RAB36: variants seen among roughly 807,000 people sequenced by gnomAD.
The protein encoded by RAB36 is ras-related protein Rab-36.
In RAB36, 33 loss-of-function variants were observed where a neutral mutation model predicts 39.3. The ratio of observed to expected loss-of-function variants is 0.84; its 90% CI spans 0.64 to 1.12. The LOEUF (loss-of-function observed/expected upper bound fraction) is 1.12. Ranked by LOEUF, RAB36 falls within the 50% of genes most tolerant of loss-of-function variation. The pLI, the probability that RAB36 is intolerant of heterozygous loss-of-function variation, is 0.00. For synonymous variants in RAB36, 133 were observed against 140.2 expected (o/e 0.95, Z 0.36); for missense variants, 308 against 355.3 (o/e 0.87, Z 1.07).
chr22:23,168,432 C>T (rs2072084990), downstream of RAB36, among the ~76,000 whole-genome samples: 1 of 152,164 alleles, frequency 6.6e-6, no homozygotes, highest in Non-Finnish European at 1.5e-5. Context: ...CAGAGAGGGA[C>T]CCCTCCTCTC....
intron 2 of RAB36, 73 bp from the exon 3 acceptor site, chr22:23,149,990 C>T: frequency 8.3e-7 from 1 of 1,200,766 alleles, no homozygotes; most frequent in South Asian, 1.3e-5. Flanking sequence ...GATCATCTCC[C>T]CTCACTGCTT....
At position 23,162,577 on chromosome 22, in the gene RAB36, G is replaced by C. The variant is rs1392366203; in HGVS notation, c.*1013G>C. The C allele has an allele frequency of 2.2e-6, 1 of 451,268 alleles. No individual in the cohort carries two copies. Among genetic ancestry groups the C allele is most frequent in the Non-Finnish European group, 4.5e-6 (1 of 223,030 alleles). 28.0% of individuals were successfully genotyped at this position (451,268 alleles called of 1,614,324 possible). On this transcript the variant is annotated 3_prime_UTR_variant, in exon 11 of 11. Coordinates refer to ENST00000263116, the MANE Select transcript of RAB36 (RefSeq NM_004914.5). The stretch of plus-strand genomic sequence containing the variant: ...CAACACCGCCTCCTGCACATGCAGA[G>C]CAGACAGAAATACCCCACACATTCC...
rs537657116 is a variant in RAB36, at chr22:23,163,941, C to A, written c.*2377C>A. The A allele has an allele frequency of 6.6e-6, 1 of 152,406 alleles. No homozygotes were observed. Among genetic ancestry groups the A allele is most frequent in the South Asian group, 2.1e-4 (1 of 4,834 alleles). The allele number at this position is 152,406 out of a possible 1,614,324, so 9.4% of individuals were successfully genotyped here. A position where few individuals can be genotyped will look rare whatever the true frequency, so the allele number is the denominator to read the frequency against. ...TGGATGGATTGTAGTTCATTTGACC[C>A]TCCCCATCCGCGGGCCATCCGGCTT... On this transcript the variant is annotated 3_prime_UTR_variant, in exon 11 of 11. Transcript: ENST00000263116.
chr22:23,161,636 G>C lies in RAB36; in HGVS notation c.*72G>C, dbSNP rs2071813262. The stretch of plus-strand genomic sequence containing the variant: ...GGAATTTCCGTGACTGTGGTGTGGA[G>C]ACTGGAGCCCAAGCTCTGCAGCGTG... On this transcript the variant is annotated 3_prime_UTR_variant, in exon 11 of 11. Transcript: ENST00000263116. 10 of 1,307,892 alleles carry C rather than the reference G, an allele frequency of 7.6e-6. No individual in the cohort carries two copies. The highest frequency in any genetic ancestry group is 2.0e-5 in the Admixed American group (1 of 50,840). The allele number at this position is 1,307,892 out of a possible 1,614,324, so 81.0% of individuals were successfully genotyped here. A position where few individuals can be genotyped will look rare whatever the true frequency, so the allele number is the denominator to read the frequency against.
intron 2 of RAB36, among the ~76,000 whole-genome samples, chr22:23,149,831 G>A (rs1033678882): frequency 6.6e-6 from 1 of 152,240 alleles, no homozygotes; most frequent in Non-Finnish European, 1.5e-5. Context: ...GTGAGACACA[G>A]ATCTCCAAGT....
downstream of RAB36, among the ~76,000 whole-genome samples, chr22:23,168,665 A>G (rs979758762): frequency 6.6e-6 from 1 of 152,132 alleles, no homozygotes; most frequent in Admixed American, 6.5e-5. Context: ...TGACTGTCAC[A>G]TGCTCCTTCC....
rs1206311285 is a variant in RAB36 at position 23,145,547 on chromosome 22, C to T, written c.-17C>T. The T allele has an allele frequency of 1.9e-6, 3 of 1,600,522 alleles. No homozygotes were observed. In the South Asian group the frequency reaches 3.3e-5, roughly 18 times the overall value. On this transcript the variant is annotated 5_prime_UTR_variant, in exon 1 of 11. Transcript: ENST00000263116. Reference sequence around the variant, plus strand: ...GCGGAGCCCCAGCTTTCACAGCCATCGCTGGTGAGTCAGCTCGCCCACTCT... The same window carrying T: ...GCGGAGCCCCAGCTTTCACAGCCATTGCTGGTGAGTCAGCTCGCCCACTCT...
chr22:23,150,025 T>G lies in RAB36; in HGVS notation c.70-38T>G, dbSNP rs201150699. 3.4e-4 allele frequency: 512 copies of G among 1,515,030 alleles called. 3 individuals are homozygous for G. In the African/African-American group the frequency reaches 6.5e-3, roughly 19 times the overall value. The allele number at this position is 1,515,030 out of a possible 1,614,324, so 93.8% of individuals were successfully genotyped here. A position where few individuals can be genotyped will look rare whatever the true frequency, so the allele number is the denominator to read the frequency against. On this transcript the variant is annotated intron_variant, in intron 2 of 10. Coordinates refer to ENST00000263116, the MANE Select transcript of RAB36 (RefSeq NM_004914.5). ...TGGCTACGAGGGCGGAGCCACAGCT[T>G]TGCAGGATGATGTGTCCGTCTGTCT...
chr22:23,145,674 G>A, intron 1 of RAB36, 123 bp downstream of exon 1: 1 of 1,169,270 alleles, frequency 8.6e-7, no homozygotes, highest in Non-Finnish European at 1.2e-6. Context: ...TAACTTGAAA[G>A]CGGCCTGCGG....
Position 23,161,018 on chromosome 22 carries a change from G to C in RAB36, c.739+20G>C, listed in dbSNP as rs5759613. 0.5 allele frequency: 794,884 copies of C among 1,581,904 alleles called. 201,644 individuals are homozygous for C. The highest frequency in any genetic ancestry group is 0.63 in the East Asian group (27,874 of 44,086). On this transcript the variant is annotated intron_variant, in intron 10 of 10. Transcript: ENST00000263116. ...TAATCCGTGAGTATAGGTGTGACTG[G>C]GTTGGGCTGGGGAGTAGGCTGGAGG... is the stretch of plus-strand genomic sequence containing the variant.
chr22:23,159,131 G>A (rs1248232391), intron 8 of RAB36, 32 bp from the exon 9 acceptor site: 6 of 1,607,108 alleles, frequency 3.7e-6, no homozygotes, highest in Admixed American at 1.7e-5. Context: ...GGAGAGCCGG[G>A]ACGCTGGGTC....
In RAB36 at chr22:23,150,173, G is replaced by A. The variant is rs755260191; in HGVS notation, c.161+19G>A. ...CTGTCGGGTGAGCCTGCAGGGTGTG[G>A]GATGGGGGAGCAGGTGGCAAGAAGG... On this transcript the variant is annotated intron_variant, in intron 3 of 10. Transcript: ENST00000263116. 6.3e-7 allele frequency: 1 copy of A among 1,587,718 alleles called. No individual in the cohort carries two copies. The highest frequency in any genetic ancestry group is 8.6e-7 in the Non-Finnish European group (1 of 1,160,986).
chr22:23,161,821 G>A lies in RAB36; in HGVS notation c.*257G>A, dbSNP rs542106120. The A allele has an allele frequency of 2.0e-6, 1 of 499,982 alleles. No individual in the cohort carries two copies. Among genetic ancestry groups the A allele is most frequent in the South Asian group, 2.3e-5 (1 of 44,358 alleles). 31.0% of individuals were successfully genotyped at this position (499,982 alleles called of 1,614,324 possible). A position where few individuals can be genotyped will look rare whatever the true frequency, so the allele number is the denominator to read the frequency against. On this transcript the variant is annotated 3_prime_UTR_variant, in exon 11 of 11. Coordinates refer to ENST00000263116, the MANE Select transcript of RAB36 (RefSeq NM_004914.5). ...ACCGGGCCAGTGCAGGCACTGTGGT[G>A]ATCCCATAAAAGGCCAGTCCATTTG...
intron 5 of RAB36, among the ~76,000 whole-genome samples, chr22:23,155,760 T>G (rs1257580101): frequency 6.6e-6 from 1 of 152,208 alleles, no homozygotes; most frequent in African/African-American, 2.4e-5. Flanking sequence ...CCACTAGGAA[T>G]GAGAGAAGTC....
chr22:23,159,336 C>A (rs2071644502), intron 9 of RAB36, 83 bp downstream of exon 9: 1 of 1,309,960 alleles, frequency 7.6e-7, no homozygotes, highest in Non-Finnish European at 1.0e-6. Context: ...GCAGTGTTTC[C>A]CTCTGTAGCC....
chr22:23,160,605 A>C (rs1323363207), intron 9 of RAB36, among the ~76,000 whole-genome samples: 7 of 152,200 alleles, frequency 4.6e-5, no homozygotes, highest in Admixed American at 3.9e-4. Context: ...GCAAAGGCTC[A>C]GAAGTTTGAG....
At chr22:23,155,194 A>G (rs1569211563) in intron 5 of RAB36, among the ~76,000 whole-genome samples, 2 of 152,218 alleles carry the variant, frequency 1.3e-5, no homozygotes, top group South Asian at 2.1e-4. Flanking sequence ...GTTTACTGAG[A>G]AAAGTTCAAT....
intron 6 of RAB36, among the ~76,000 whole-genome samples, chr22:23,157,141 C>T (rs746706698): frequency 6.6e-6 from 1 of 152,216 alleles, no homozygotes; most frequent in Non-Finnish European, 1.5e-5. Context: ...CTGCATCTCC[C>T]GGTTTTCTGC....
chr22:23,161,517 C>A lies in RAB36; in HGVS notation c.757C>A (p.Pro253Thr), dbSNP rs769046504. 6.2e-7 allele frequency: 1 copy of A among 1,612,940 alleles called. No homozygotes were observed. The highest frequency in any genetic ancestry group is 8.5e-7 in the Non-Finnish European group (1 of 1,179,388). The part of the protein sequence containing the change: ...GDLIQMEGSP[P>T]ETQESKRPSS... ...CCTTACAGAAATGGAAGGGAGTCCG[C>A]CCGAGACCCAGGAGAGCAAGAGGCC... The change falls in exon 11 of 11, where the codon CCC becomes ACC. Residue 253 changes from proline (P) to threonine (T), a missense_variant. Transcript: ENST00000263116.
Sources: gnomAD v4.1 joint callset for allele counts (sites outside exome capture counted in the v4.1 genomes callset) on GRCh38, gnomAD v4.1.1 for gene constraint, MANE v1.5 for transcripts, NCBI Gene and HGNC (gene_info 2026-07-23, HGNC 2026-07-21) for gene names.